MAPDA: variants seen among roughly 807,000 people sequenced by gnomAD.
MAPDA encodes N6,N6-dimethyl-AMP deaminase.
At chr15:43,336,102 C>T in the MAPDA span, among the ~76,000 whole-genome samples, 4 of 152,100 alleles carry the variant, frequency 2.6e-5, no homozygotes, top group Non-Finnish European at 1.5e-5. Context: ...AGTGCAGTGG[C>T]GTGACCACAG....
At chr15:43,351,136 G>C in the MAPDA span, 1 of 1,230,488 alleles carries the variant, frequency 8.1e-7, no homozygotes, top group Non-Finnish European at 1.2e-6. Context: ...TTGCATGCCT[G>C]AGGATAATGC....
At chr15:43,331,019 C>G in the MAPDA span, among the ~76,000 whole-genome samples, 2 of 152,176 alleles carry the variant, frequency 1.3e-5, no homozygotes, top group African/African-American at 2.4e-5. Flanking sequence ...CTCACAGTTG[C>G]AAAAGAGAAC....
the MAPDA span, among the ~76,000 whole-genome samples, chr15:43,333,841 C>G: frequency 6.6e-6 from 1 of 152,140 alleles, no homozygotes; most frequent in Non-Finnish European, 1.5e-5. Flanking sequence ...ACGTGAGAAC[C>G]CAGAGAGTCA....
chr15:43,331,049 C>G, the MAPDA span, among the ~76,000 whole-genome samples: 1 of 152,206 alleles, frequency 6.6e-6, no homozygotes. Flanking sequence ...AACTTGAAAA[C>G]AAGTCACTAA....
the MAPDA span, among the ~76,000 whole-genome samples, chr15:43,337,296 AG>A: frequency 8.0e-5 from 12 of 149,258 alleles, no homozygotes; most frequent in African/African-American, 7.3e-5. Context: ...AAAAAAAAAA[AG>A]AGAAGTATTA....
the MAPDA span, chr15:43,334,887 TAAC>T: frequency 2.3e-6 from 1 of 443,854 alleles, no homozygotes; most frequent in Non-Finnish European, 4.0e-6. Context: ...AAGAAAAAAT[TAAC>T]AAAATCCTGT....
At chr15:43,352,301 G>C in the MAPDA span, 1 of 181,880 alleles carries the variant, frequency 5.5e-6, no homozygotes, top group Non-Finnish European at 1.1e-5. Context: ...GGAAAGTGGG[G>C]AAATTAGGTT....
At chr15:43,339,431 G>A in the MAPDA span, among the ~76,000 whole-genome samples, 1 of 152,184 alleles carries the variant, frequency 6.6e-6, no homozygotes, top group Admixed American at 6.5e-5. Context: ...ATTCACCAAG[G>A]TAGTGCCATA....
chr15:43,335,792 G>A, the MAPDA span: 4 of 1,613,892 alleles, frequency 2.5e-6, no homozygotes, highest in Admixed American at 6.7e-5. Context: ...TCAGATGACT[G>A]TGATTGACAA....
the MAPDA span, among the ~76,000 whole-genome samples, chr15:43,337,185 A>AGAATGATGT: frequency 6.7e-6 from 1 of 150,170 alleles, no homozygotes; most frequent in African/African-American, 2.5e-5. Flanking sequence ...CTGAGGTAGG[A>AGAATGATGT]GAATGATGTG....
chr15:43,338,386 C>G, the MAPDA span, among the ~76,000 whole-genome samples: 1 of 152,186 alleles, frequency 6.6e-6, no homozygotes, highest in Non-Finnish European at 1.5e-5. Context: ...AAAAATGATA[C>G]TTGTTATTAC....
the MAPDA span, chr15:43,342,952 T>G: frequency 1.1e-5 from 16 of 1,396,866 alleles, no homozygotes; most frequent in South Asian, 1.8e-4. Flanking sequence ...GATGAAATAG[T>G]TGATGATCTC....
At chr15:43,346,039 A>C in the MAPDA span, 26 of 1,602,440 alleles carry the variant, frequency 1.6e-5, no homozygotes, top group Non-Finnish European at 2.1e-5. Flanking sequence ...TGGGATAAGG[A>C]CTAGCTTCGG....
chr15:43,336,533 T>A, the MAPDA span: 1 of 908,272 alleles, frequency 1.1e-6, no homozygotes, highest in African/African-American at 1.8e-5. Context: ...TAAATATAAA[T>A]ATATATTTAC....
At chr15:43,333,020 G>T in the MAPDA span, among the ~76,000 whole-genome samples, 2 of 152,062 alleles carry the variant, frequency 1.3e-5, no homozygotes, top group East Asian at 3.9e-4. Context: ...AATTTCCATA[G>T]GTTAACATTG....
At chr15:43,334,163 C>T in the MAPDA span, among the ~76,000 whole-genome samples, 3 of 152,146 alleles carry the variant, frequency 2.0e-5, no homozygotes, top group Non-Finnish European at 1.5e-5. Flanking sequence ...GTCACTGCTA[C>T]TTTGCATTTT....
chr15:43,347,087 T>C, the MAPDA span: 1 of 1,612,822 alleles, frequency 6.2e-7, no homozygotes, highest in Non-Finnish European at 8.5e-7. Flanking sequence ...TAGCATTGCA[T>C]CTTTCAGAGG....
the MAPDA span, chr15:43,330,353 G>C: frequency 4.4e-6 from 7 of 1,603,544 alleles, no homozygotes; most frequent in East Asian, 6.7e-5. Context: ...TGCGCGGCGC[G>C]CCGCGCCCGG....
chr15:43,340,010 G>A, the MAPDA span, among the ~76,000 whole-genome samples: 1 of 152,238 alleles, frequency 6.6e-6, no homozygotes, highest in Non-Finnish European at 1.5e-5. Flanking sequence ...GGGAAAAGAA[G>A]CAAAGGGTGT....
Sources: allele counts gnomAD v4.1 joint callset (sites outside exome capture counted in the v4.1 genomes callset), GRCh38; gene constraint gnomAD v4.1.1; transcripts MANE v1.5; gene names NCBI Gene and HGNC (gene_info 2026-07-23, HGNC 2026-07-21).